The following RBFOX1 variants were observed in gnomAD, a reference collection of about 807,000 sequenced individuals.
RBFOX1 encodes the protein RNA binding fox-1 homolog 1.
RBFOX1 carries 8 observed loss-of-function variants against 57.7 expected under a neutral mutation model. The ratio of observed to expected loss-of-function variants is 0.14; its 90% confidence interval spans 0.08 to 0.25. The LOEUF (loss-of-function observed/expected upper bound fraction) is 0.25. Ranked by LOEUF, RBFOX1 falls within the 10% of genes least tolerant of loss-of-function variation. The probability of loss-of-function intolerance (pLI) is 1.00; values close to 1 mark genes in which losing one functional copy is unlikely to be tolerated. For synonymous variants in RBFOX1, 326 were observed against 222.4 expected, an observed-to-expected ratio of 1.47 and a Z score of -4.15; for missense variants, 611 against 548.5, an observed-to-expected ratio of 1.11 and a Z score of -1.14.
At position 7,173,133 on chromosome 16, in the gene RBFOX1, T is replaced by A. The variant is rs75660704; in HGVS notation, c.27+121035T>A. ...AGACATACTTTTTGATTATTCATAT[T>A]TCATAAAATCTTATTTTCTTGACTT... On this transcript the variant is annotated intron_variant, in intron 4 of 15. Transcript: ENST00000550418. Among the ~76,000 whole-genome samples, 19 of 152,340 alleles carry A rather than the reference T, an allele frequency of 1.2e-4. 1 individual carries two copies. The East Asian group carries it at 3.7e-3, about 29-fold the overall frequency.
intron 2 of RBFOX1, among the ~76,000 whole-genome samples, chr16:6,557,070 TATATACATATATACATAC>T (rs1402129000): frequency 6.3e-4 from 92 of 145,864 alleles, no homozygotes; most frequent in African/African-American, 1.7e-3. Flanking sequence ...TATACATACA[TATATACATATATACATAC>T]ATATACATAT....
chr16:5,551,485 T>G (rs1487762384), intron 2 of RBFOX1, among the ~76,000 whole-genome samples: 1 of 152,198 alleles, frequency 6.6e-6, no homozygotes, highest in Non-Finnish European at 1.5e-5. Context: ...AGTTCCGGCT[T>G]CCTTAGGTTA....
intron 4 of RBFOX1, among the ~76,000 whole-genome samples, chr16:7,511,083 G>C (rs1176625414): frequency 6.6e-6 from 1 of 152,192 alleles, no homozygotes; most frequent in Admixed American, 6.5e-5. Context: ...ACAGGAAAAT[G>C]CTTGCCTATT....
At chr16:6,096,921 T>C (rs1369491951) in intron 1 of RBFOX1, among the ~76,000 whole-genome samples, 1 of 152,216 alleles carries the variant, frequency 6.6e-6, no homozygotes, top group Admixed American at 6.5e-5. Flanking sequence ...TGTTGCATTT[T>C]AATGACGGCT....
At chr16:5,826,289 C>G (rs76411210) in intron 3 of RBFOX1, among the ~76,000 whole-genome samples, 2,548 of 152,040 alleles carry the variant, frequency 0.017, 68 homozygotes, top group African/African-American at 0.058. Flanking sequence ...ATACTGTGCC[C>G]CTCAAGTGTG....
chr16:5,804,194 G>T (rs969971024), intron 3 of RBFOX1, among the ~76,000 whole-genome samples: 1 of 152,208 alleles, frequency 6.6e-6, no homozygotes, highest in East Asian at 1.9e-4. Context: ...CTGTGTAATT[G>T]TTCAGTAAAT....
chr16:6,520,770 G>C (rs890635424), intron 2 of RBFOX1, among the ~76,000 whole-genome samples: 4 of 152,188 alleles, frequency 2.6e-5, no homozygotes, highest in East Asian at 1.9e-4. Context: ...CCCTTGATTT[G>C]GTTATACCAA....
At chr16:6,967,899 C>G (rs1056124185) in intron 3 of RBFOX1, among the ~76,000 whole-genome samples, 1 of 152,182 alleles carries the variant, frequency 6.6e-6, no homozygotes, top group East Asian at 1.9e-4. Context: ...CCCCAAATCA[C>G]TGCTCCAATT....
chr16:5,442,063 C>T (rs2068101643), intron 1 of RBFOX1, among the ~76,000 whole-genome samples: 1 of 152,128 alleles, frequency 6.6e-6, no homozygotes, highest in African/African-American at 2.4e-5. Flanking sequence ...AGTCGTCATG[C>T]AGAGAGTTGG....
In RBFOX1 at chr16:6,990,278, A is replaced by C. The variant is rs565668899; in HGVS notation, c.-15-61779A>C. On this transcript the variant is annotated intron_variant, in intron 3 of 15. Coordinates refer to ENST00000550418, the MANE Select transcript of RBFOX1 (RefSeq NM_018723.4). ...GGTAGCTCACGGCTGTAATCCCAGT[A>C]CTTTGGGAGGCCGAGGCGGGTGGGT... 9.9e-5 allele frequency among the ~76,000 whole-genome samples: 15 copies of C among 152,224 alleles called. No homozygotes were observed. The South Asian group carries it at 2.9e-3, about 29-fold the overall frequency.
At chr16:6,874,245 C>T (rs375514053) in intron 3 of RBFOX1, among the ~76,000 whole-genome samples, 2 of 152,110 alleles carry the variant, frequency 1.3e-5, no homozygotes, top group African/African-American at 2.4e-5. Context: ...CAAAGTGGTT[C>T]ACACTTGTAA....
intron 1 of RBFOX1, chr16:5,365,652 A>T (rs995029857): frequency 6.1e-6 from 2 of 328,878 alleles, no homozygotes; most frequent in Admixed American, 4.2e-5. Context: ...TGGGTGACGG[A>T]GTAAGACCCT....
At chr16:6,590,458 T>C (rs2097694591) in intron 2 of RBFOX1, among the ~76,000 whole-genome samples, 1 of 152,198 alleles carries the variant, frequency 6.6e-6, no homozygotes, top group Non-Finnish European at 1.5e-5. Context: ...TTTTACACAG[T>C]AGCAGGCCTG....
intron 4 of RBFOX1, among the ~76,000 whole-genome samples, chr16:7,166,972 C>CTTTTTTTTTTTTTTT (rs537293692): frequency 4.3e-4 from 21 of 49,114 alleles, no homozygotes; most frequent in East Asian, 1.3e-3. Context: ...CATTGGTGTT[C>CTTTTTTTTTTTTTTT]TTTTTTTTTT....
chr16:6,963,287 C>T (rs1005972225), intron 3 of RBFOX1, among the ~76,000 whole-genome samples: 6 of 148,974 alleles, frequency 4.0e-5, no homozygotes, highest in African/African-American at 1.5e-4. Flanking sequence ...TCAACAGTGA[C>T]TTTTTTTTTT....
intron 3 of RBFOX1, among the ~76,000 whole-genome samples, chr16:5,677,764 C>A (rs1686624580): frequency 6.6e-6 from 1 of 151,922 alleles, no homozygotes; most frequent in Non-Finnish European, 1.5e-5. Flanking sequence ...AAGAGTGTTC[C>A]AGATGGAGGA....
intron 4 of RBFOX1, among the ~76,000 whole-genome samples, chr16:5,892,517 A>C (rs577957787): frequency 6.6e-6 from 1 of 152,276 alleles, no homozygotes; most frequent in Admixed American, 6.5e-5. Flanking sequence ...GGTGATGATG[A>C]AGATGAGGAA....
At chr16:5,956,658 T>TTTA (rs2059645293) in intron 4 of RBFOX1, among the ~76,000 whole-genome samples, 1 of 102,022 alleles carries the variant, frequency 9.8e-6, no homozygotes, top group African/African-American at 3.4e-5. Flanking sequence ...ATATATATAT[T>TTTA]TATATATATA....
chr16:7,319,944 A>C (rs1340679579), intron 4 of RBFOX1, among the ~76,000 whole-genome samples: 1 of 152,216 alleles, frequency 6.6e-6, no homozygotes, highest in Non-Finnish European at 1.5e-5. Flanking sequence ...TGTGTTTGGC[A>C]CATAGTGAGA....
Sources: allele counts gnomAD v4.1 joint callset (sites outside exome capture counted in the v4.1 genomes callset), GRCh38; gene constraint gnomAD v4.1.1; transcripts MANE v1.5; gene names NCBI Gene and HGNC (gene_info 2026-07-23, HGNC 2026-07-21).